Variants in ESRRG observed in about 807,000 individuals in gnomAD.
ESRRG encodes the protein estrogen-related receptor gamma.
ESRRG carries 13 observed loss-of-function variants against 44.0 expected under a neutral mutation model. The ratio of observed to expected loss-of-function variants is 0.30; its 90% CI spans 0.19 to 0.47. The LOEUF (loss-of-function observed/expected upper bound fraction) is 0.47, where lower values mean the gene tolerates loss of function less well. ESRRG is among the 20% of genes least tolerant of loss of function. The pLI, the probability that ESRRG is intolerant of heterozygous loss-of-function variation, is 1.00. For synonymous variants in ESRRG, 215 were observed against 214.6 expected, an observed-to-expected ratio of 1.00 and a Z score of -0.02; for missense variants, 395 against 580.6, an observed-to-expected ratio of 0.68 and a Z score of 3.29.
chr1:216,957,165 T>C (rs1364203106), intron 1 of ESRRG, among the ~76,000 whole-genome samples: 1 of 152,166 alleles, frequency 6.6e-6, no homozygotes, highest in Non-Finnish European at 1.5e-5. Flanking sequence ...TTTTATCTAC[T>C]CTCTGTTGAT....
At chr1:216,568,410 T>C (rs1185413924) in intron 3 of ESRRG, among the ~76,000 whole-genome samples, 1 of 152,216 alleles carries the variant, frequency 6.6e-6, no homozygotes, top group Non-Finnish European at 1.5e-5. Context: ...GGTGCTAGTA[T>C]AGTTTCTTAA....
chr1:216,825,992 T>C (rs2095386549), intron 2 of ESRRG, among the ~76,000 whole-genome samples: 1 of 152,164 alleles, frequency 6.6e-6, no homozygotes, highest in Non-Finnish European at 1.5e-5. Context: ...CTTTGTAGCA[T>C]CAAGTTGGGA....
At chr1:216,988,017 C>T (rs1189581690) in intron 1 of ESRRG, among the ~76,000 whole-genome samples, 4 of 152,128 alleles carry the variant, frequency 2.6e-5, no homozygotes, top group Admixed American at 2.6e-4. Flanking sequence ...GCCTTTCCTT[C>T]TCTGTCTTAT....
intron 2 of ESRRG, among the ~76,000 whole-genome samples, chr1:216,741,215 A>T (rs943708393): frequency 6.1e-5 from 9 of 146,974 alleles, no homozygotes; most frequent in Non-Finnish European, 4.5e-5. Context: ...TATATAATTT[A>T]TATTATATAA....
intron 1 of ESRRG, among the ~76,000 whole-genome samples, chr1:217,040,210 G>T (rs571701208): frequency 6.6e-6 from 1 of 152,172 alleles, no homozygotes; most frequent in Admixed American, 6.6e-5. Context: ...TTGCAAAATG[G>T]GTTATTTAGA....
chr1:216,989,224 A>G (rs527276657), intron 1 of ESRRG, among the ~76,000 whole-genome samples: 1 of 151,960 alleles, frequency 6.6e-6, no homozygotes, highest in South Asian at 2.1e-4. Flanking sequence ...AGGCGGGTGG[A>G]TTGTTTGAGC....
chr1:216,640,560 G>T (rs887669319), intron 3 of ESRRG, among the ~76,000 whole-genome samples: 1 of 151,870 alleles, frequency 6.6e-6, no homozygotes, highest in African/African-American at 2.4e-5. Flanking sequence ...CTCAAAAAAT[G>T]ACCAGTGCTC....
intron 1 of ESRRG, among the ~76,000 whole-genome samples, chr1:217,045,120 T>TA (rs2084625044): frequency 6.6e-6 from 1 of 152,226 alleles, no homozygotes. Flanking sequence ...TGGGGAAATA[T>TA]ATTTTTTTAA....
chr1:216,853,481 TCA>T (rs562923451), intron 2 of ESRRG, among the ~76,000 whole-genome samples: 203 of 152,316 alleles, frequency 1.3e-3, no homozygotes, highest in Middle Eastern at 0.01. Context: ...GCAATTATAC[TCA>T]GTTTCTACAC....
At chr1:216,842,989 T>C (rs11117694) in intron 2 of ESRRG, among the ~76,000 whole-genome samples, 8,046 of 152,210 alleles carry the variant, frequency 0.053, 738 homozygotes, top group African/African-American at 0.18. Flanking sequence ...TGTGAACAAA[T>C]GCTGGTCTGG....
chr1:216,511,680 G>T (rs1046125622), intron 6 of ESRRG, among the ~76,000 whole-genome samples: 12 of 152,122 alleles, frequency 7.9e-5, no homozygotes, highest in Admixed American at 7.2e-4. Flanking sequence ...TGAGTGCCCA[G>T]GTTGTAATCT....
chr1:216,846,641 C>T (rs1253235839), intron 2 of ESRRG, among the ~76,000 whole-genome samples: 1 of 152,114 alleles, frequency 6.6e-6, no homozygotes. Context: ...AGTGTAATCA[C>T]TAAGCCAAAG....
intron 3 of ESRRG, among the ~76,000 whole-genome samples, chr1:216,635,318 GA>G (rs1453163533): frequency 6.6e-6 from 1 of 152,210 alleles, no homozygotes; most frequent in Non-Finnish European, 1.5e-5. Flanking sequence ...GGCAAGTAAA[GA>G]GCTCACAGGT....
intron 1 of ESRRG, among the ~76,000 whole-genome samples, chr1:216,722,581 A>G (rs1048822638): frequency 1.3e-5 from 2 of 152,070 alleles, no homozygotes; most frequent in Non-Finnish European, 2.9e-5. Context: ...TAAAGTCACT[A>G]CTGTTTCTTC....
intron 2 of ESRRG, among the ~76,000 whole-genome samples, chr1:216,739,976 G>A (rs2090458486): frequency 6.6e-6 from 1 of 152,124 alleles, no homozygotes; most frequent in South Asian, 2.1e-4. Context: ...AATGTGGCCA[G>A]AGACACATCT....
chr1:216,812,292 A>C (rs1434211098), intron 2 of ESRRG, among the ~76,000 whole-genome samples: 2 of 152,194 alleles, frequency 1.3e-5, no homozygotes, highest in Non-Finnish European at 2.9e-5. Flanking sequence ...AGAATAGGGA[A>C]ATTTTTGCTT....
chr1:216,827,609 T>C (rs544974596), intron 2 of ESRRG, among the ~76,000 whole-genome samples: 93 of 152,352 alleles, frequency 6.1e-4, no homozygotes, highest in Non-Finnish European at 5.4e-4. Context: ...ACTTATTTCA[T>C]GTAATTCATT....
At chr1:217,017,951 A>G (rs1390312101) in intron 1 of ESRRG, among the ~76,000 whole-genome samples, 1 of 152,192 alleles carries the variant, frequency 6.6e-6, no homozygotes, top group East Asian at 1.9e-4. Flanking sequence ...AAGAATATAA[A>G]TTGCCTGCTG....
intron 3 of ESRRG, among the ~76,000 whole-genome samples, chr1:216,575,887 G>C (rs977794564): frequency 6.6e-6 from 1 of 151,988 alleles, no homozygotes; most frequent in Non-Finnish European, 1.5e-5. Context: ...AAAAAATAAT[G>C]AACACTGTTA....
Sources: allele counts gnomAD v4.1 joint callset (sites outside exome capture counted in the v4.1 genomes callset), GRCh38; gene constraint gnomAD v4.1.1; transcripts MANE v1.5; gene names NCBI Gene and HGNC (gene_info 2026-07-23, HGNC 2026-07-21).